Variants in PNPLA8 observed in about 807,000 individuals in gnomAD.
The protein encoded by PNPLA8 is patatin like domain 8, phospholipase A2.
In PNPLA8, 39 loss-of-function variants were observed where a neutral mutation model predicts 76.9. The ratio of observed to expected loss-of-function variants is 0.51; its 90% CI spans 0.39 to 0.66. The LOEUF is 0.66. PNPLA8 is among the 30% of genes least tolerant of loss of function. The pLI is 0.00. For synonymous variants in PNPLA8, 301 were observed against 307.9 expected (o/e 0.98, Z 0.24); for missense variants, 887 against 918.0 (o/e 0.97, Z 0.44).
chr7:108,478,185 A>G lies in PNPLA8; in HGVS notation c.2074+999T>C, dbSNP rs1007622993. Among the ~76,000 whole-genome samples, 12 of 152,282 alleles carry G rather than the reference A, an allele frequency of 7.9e-5. No individual in the cohort carries two copies. In the East Asian group the frequency reaches 2.3e-3, roughly 29 times the overall value. On this transcript the variant is annotated intron_variant, in intron 10 of 10. Transcript: ENST00000257694. ...TCTCTGAGGTCCCTCTGACATTTCA[A>G]CAGAGACCTGAATGAAATAAGGGTC...
At position 108,488,209 on chromosome 7, in the gene PNPLA8, T is replaced by G. The variant is rs537245407; in HGVS notation, c.1684-256A>C. Among the ~76,000 whole-genome samples, 18 of 152,346 alleles carry G rather than the reference T, an allele frequency of 1.2e-4. No homozygotes were observed. In the East Asian group the frequency reaches 3.5e-3, roughly 29 times the overall value. On this transcript the variant is annotated intron_variant, in intron 8 of 10. Transcript: ENST00000257694. ...AGATTTATTTGACCATTACTCAATT[T>G]GATTAAAAAAATATTCAAAAAGGCA...
chr7:108,495,740 G>A (rs557322741), intron 7 of PNPLA8, among the ~76,000 whole-genome samples: 15 of 152,182 alleles, frequency 9.9e-5, no homozygotes, highest in African/African-American at 3.4e-4. Context: ...CATAAATGTC[G>A]TAAATGTCCA....
At chr7:108,513,433 T>C (rs1457427227) in intron 4 of PNPLA8, among the ~76,000 whole-genome samples, 1 of 152,126 alleles carries the variant, frequency 6.6e-6, no homozygotes, top group Non-Finnish European at 1.5e-5. Context: ...AAATGTGTTC[T>C]AAGTTAAAAC....
At chr7:108,512,289 G>A (rs1862991516) in intron 4 of PNPLA8, among the ~76,000 whole-genome samples, 1 of 152,104 alleles carries the variant, frequency 6.6e-6, no homozygotes, top group Non-Finnish European at 1.5e-5. Flanking sequence ...GGTAATCTGA[G>A]GGTAAAATAT....
In PNPLA8 at chr7:108,515,001, G is replaced by A; in HGVS notation, c.491C>T (p.Ser164Leu). The A allele has an allele frequency of 6.2e-7, 1 of 1,607,382 alleles. No individual in the cohort carries two copies. Residue 164 changes from serine (S) to leucine (L), a missense_variant, in exon 3 of 11, where the codon TCA (serine) becomes TTA (leucine). Transcript: ENST00000257694. ...IKSLKKYSDKSAEKSPFPEEK... is the reference protein window; with the variant it reads ...IKSLKKYSDKLAEKSPFPEEK... ...TTCTGGAAAAGGACTCTTTTCTGCTGATTTGTCACTATATTTTTTCAGAGA... is the reference window on the plus strand; with the variant it reads ...TTCTGGAAAAGGACTCTTTTCTGCTAATTTGTCACTATATTTTTTCAGAGA...
At chr7:108,521,610 G>C in intron 1 of PNPLA8, 89 bp from the exon 2 acceptor site, 135 of 160,260 alleles carry the variant, frequency 8.4e-4, no homozygotes, top group Non-Finnish European at 1.6e-3. Context: ...AGGAGGGGAA[G>C]AAGGCCACAG....
intron 7 of PNPLA8, among the ~76,000 whole-genome samples, chr7:108,493,107 CATT>C (rs1488372760): frequency 6.6e-6 from 1 of 152,120 alleles, no homozygotes; most frequent in Non-Finnish European, 1.5e-5. Flanking sequence ...ACTAAATCAT[CATT>C]GTTTTAAGCC....
intron 4 of PNPLA8, among the ~76,000 whole-genome samples, chr7:108,505,020 G>C (rs1862240481): frequency 6.6e-6 from 1 of 151,886 alleles, no homozygotes; most frequent in Admixed American, 6.6e-5. Flanking sequence ...AGGTTGTGGT[G>C]AGCCAAGATT....
chr7:108,505,898 A>G (rs897521170), intron 4 of PNPLA8, among the ~76,000 whole-genome samples: 1 of 152,198 alleles, frequency 6.6e-6, no homozygotes, highest in Non-Finnish European at 1.5e-5. Context: ...TCTACAAATA[A>G]TGAAGAAAAA....
At position 108,470,533 on chromosome 7, in the gene PNPLA8, C is replaced by T. The variant is rs977714369; in HGVS notation, c.*1868G>A. On this transcript the variant is annotated 3_prime_UTR_variant, in exon 11 of 11. Transcript: ENST00000257694. Reference sequence around the variant, plus strand: ...CTACATCAGTTTAGGACTAGAGTGACCTTATGATGAGGTGCAAATATGTAA... The same window carrying T: ...CTACATCAGTTTAGGACTAGAGTGATCTTATGATGAGGTGCAAATATGTAA... 4.6e-5 allele frequency: 7 copies of T among 152,024 alleles called. No homozygotes were observed. The highest frequency in any genetic ancestry group is 1.7e-4 in the African/African-American group (7 of 41,386). The allele number at this position is 152,024 out of a possible 1,614,324, so 9.4% of individuals were successfully genotyped here.
intron 2 of PNPLA8, among the ~76,000 whole-genome samples, chr7:108,519,185 A>C (rs40884): frequency 6.6e-6 from 1 of 151,694 alleles, no homozygotes; most frequent in Non-Finnish European, 1.5e-5. Flanking sequence ...AACACAGCCA[A>C]GAGTTTGAGA....
chr7:108,498,646 A>G (rs1404870318), intron 5 of PNPLA8, among the ~76,000 whole-genome samples: 1 of 152,070 alleles, frequency 6.6e-6, no homozygotes, highest in Non-Finnish European at 1.5e-5. Context: ...TTAACCCTCT[A>G]TATTAATGGT....
In PNPLA8 at chr7:108,514,652, T is replaced by C. The variant is rs143377389; in HGVS notation, c.840A>G (p.Gln280=). 6.0e-5 allele frequency: 97 copies of C among 1,613,956 alleles called. No homozygotes were observed. The African/African-American group carries it at 1.2e-3, about 20-fold the overall frequency. ...TAGCAATACTTTGTTTAGTTGAAAC[T>C]TGAAGAACATCAGGTATCGCAGAAG... ...TSPSAIPDVL[Q]VSTKQSIANF... The change falls in exon 3 of 11, where the codon CAA becomes CAG. Residue 280 remains glutamine, a synonymous_variant. Coordinates refer to ENST00000257694, the MANE Select transcript of PNPLA8 (RefSeq NM_001256007.3).
chr7:108,478,681 C>T (rs1420809117), intron 10 of PNPLA8, among the ~76,000 whole-genome samples: 3 of 152,244 alleles, frequency 2.0e-5, no homozygotes, highest in Admixed American at 2.0e-4. Flanking sequence ...TATGAGCCAT[C>T]GTGCCCAACC....
chr7:108,512,619 A>G (rs1164105380), intron 4 of PNPLA8, among the ~76,000 whole-genome samples: 1 of 152,226 alleles, frequency 6.6e-6, no homozygotes, highest in Non-Finnish European at 1.5e-5. Flanking sequence ...ATCATTTTTA[A>G]AAAGCTCAAC....
At chr7:108,522,369 C>T (rs1461521124) in intron 1 of PNPLA8, among the ~76,000 whole-genome samples, 1 of 151,924 alleles carries the variant, frequency 6.6e-6, no homozygotes, top group Admixed American at 6.6e-5. Context: ...CTGGAGCCTT[C>T]ATCTGCATCA....
At chr7:108,524,642 T>A (rs1863956945) in intron 1 of PNPLA8, among the ~76,000 whole-genome samples, 1 of 151,988 alleles carries the variant, frequency 6.6e-6, no homozygotes, top group African/African-American at 2.4e-5. Flanking sequence ...CTGGCCAACA[T>A]GGGGAAACCC....
At chr7:108,510,330 G>T (rs1862819314) in intron 4 of PNPLA8, 2 of 1,586,800 alleles carry the variant, frequency 1.3e-6, no homozygotes, top group East Asian at 4.5e-5. Context: ...AAGCGCCTGA[G>T]AAAGAAGTTT....
At chr7:108,497,602 T>A in intron 5 of PNPLA8, 25 bp from the exon 6 acceptor site, 2 of 1,339,556 alleles carry the variant, frequency 1.5e-6, no homozygotes, top group Non-Finnish European at 2.1e-6. Flanking sequence ...AAAGACAAAA[T>A]GACAATTCCT....
Sources: allele counts gnomAD v4.1 joint callset (sites outside exome capture counted in the v4.1 genomes callset), GRCh38; gene constraint gnomAD v4.1.1; transcripts MANE v1.5; gene names NCBI Gene and HGNC (gene_info 2026-07-23, HGNC 2026-07-21).